The following KCNIP4 variants were observed in gnomAD, a reference collection of about 807,000 sequenced individuals.
KCNIP4 encodes the protein potassium voltage-gated channel interacting protein 4, also known as Kv channel-interacting protein 4.
In KCNIP4, 12 loss-of-function variants were observed where a neutral mutation model predicts 34.0. The ratio of observed to expected loss-of-function variants is 0.35; its 90% confidence interval spans 0.23 to 0.57. The LOEUF (loss-of-function observed/expected upper bound fraction) is 0.57. Ranked by LOEUF, KCNIP4 falls within the 20% of genes least tolerant of loss-of-function variation. The probability of loss-of-function intolerance (pLI) is 0.83; values close to 1 mark genes in which losing one functional copy is unlikely to be tolerated. For synonymous variants in KCNIP4, 124 were observed against 102.2 expected, an observed-to-expected ratio of 1.21 and a Z score of -1.29; for missense variants, 238 against 311.7, an observed-to-expected ratio of 0.76 and a Z score of 1.78.
intron 1 of KCNIP4, among the ~76,000 whole-genome samples, chr4:20,987,515 A>C (rs966127694): frequency 6.6e-6 from 1 of 152,162 alleles, no homozygotes; most frequent in African/African-American, 2.4e-5. Flanking sequence ...GCTCACCCCA[A>C]ATCAATAGGT....
chr4:21,430,485 A>G (rs867884810), intron 1 of KCNIP4, among the ~76,000 whole-genome samples: 32 of 152,056 alleles, frequency 2.1e-4, no homozygotes, highest in African/African-American at 7.5e-4. Flanking sequence ...TAGTACAGCC[A>G]TACTTATGAC....
At chr4:20,739,215 T>C (rs548002712) in intron 5 of KCNIP4, among the ~76,000 whole-genome samples, 1 of 152,336 alleles carries the variant, frequency 6.6e-6, no homozygotes, top group Admixed American at 6.5e-5. Flanking sequence ...CATCCCTGTC[T>C]GACAGCTTTG....
chr4:21,131,581 G>T (rs1751077149), intron 1 of KCNIP4, among the ~76,000 whole-genome samples: 1 of 152,124 alleles, frequency 6.6e-6, no homozygotes, highest in Admixed American at 6.5e-5. Flanking sequence ...CTGCACTCCA[G>T]CCTGGGCGAC....
intron 1 of KCNIP4, among the ~76,000 whole-genome samples, chr4:21,896,584 T>C (rs976535721): frequency 3.3e-5 from 5 of 152,168 alleles, no homozygotes; most frequent in African/African-American, 9.7e-5. Context: ...TCATGTTAAA[T>C]ATTTTGGGCA....
chr4:21,023,904 T>TC (rs1315976918), intron 1 of KCNIP4, among the ~76,000 whole-genome samples: 1 of 151,052 alleles, frequency 6.6e-6, no homozygotes, highest in African/African-American at 2.4e-5. Flanking sequence ...AAAAGAAAAA[T>TC]CACAATGAGT....
intron 1 of KCNIP4, among the ~76,000 whole-genome samples, chr4:21,552,005 G>A (rs1229226411): frequency 5.5e-5 from 8 of 146,620 alleles, no homozygotes; most frequent in African/African-American, 7.6e-5. Flanking sequence ...CTAGGTTATT[G>A]TGAAGATTGA....
chr4:20,781,524 G>A (rs1756868166), intron 3 of KCNIP4, among the ~76,000 whole-genome samples: 1 of 152,184 alleles, frequency 6.6e-6, no homozygotes, highest in Non-Finnish European at 1.5e-5. Context: ...CAGAATCATG[G>A]CAGGAGGCAG....
intron 1 of KCNIP4, among the ~76,000 whole-genome samples, chr4:21,286,801 A>T (rs1330328404): frequency 1.3e-5 from 2 of 152,218 alleles, no homozygotes; most frequent in African/African-American, 4.8e-5. Context: ...GACAAATTAT[A>T]GCATGTAAAC....
At chr4:21,487,279 G>A (rs1732000137) in intron 1 of KCNIP4, among the ~76,000 whole-genome samples, 1 of 152,008 alleles carries the variant, frequency 6.6e-6, no homozygotes, top group Non-Finnish European at 1.5e-5. Flanking sequence ...TAAAGGTCAG[G>A]CATCTTGTAT....
chr4:21,632,056 G>A (rs1280457444), intron 1 of KCNIP4, among the ~76,000 whole-genome samples: 1 of 152,108 alleles, frequency 6.6e-6, no homozygotes, highest in Non-Finnish European at 1.5e-5. Flanking sequence ...ATTATTTGAG[G>A]ACATGTACAA....
At chr4:21,767,592 ATTT>A (rs1247937335) in intron 1 of KCNIP4, among the ~76,000 whole-genome samples, 2 of 151,984 alleles carry the variant, frequency 1.3e-5, no homozygotes. Flanking sequence ...TTTTTAGCTT[ATTT>A]TTATTTCAAA....
At chr4:20,777,581 C>G (rs1756480678) in intron 3 of KCNIP4, among the ~76,000 whole-genome samples, 1 of 152,096 alleles carries the variant, frequency 6.6e-6, no homozygotes, top group African/African-American at 2.4e-5. Context: ...TTACCAGTAA[C>G]CAAATCTGTC....
intron 4 of KCNIP4, among the ~76,000 whole-genome samples, chr4:20,750,131 C>T (rs1753326258): frequency 6.6e-6 from 1 of 152,098 alleles, no homozygotes; most frequent in Non-Finnish European, 1.5e-5. Flanking sequence ...AGATGAGTTG[C>T]TATTATTAGT....
At chr4:21,092,696 A>C (rs1038760091) in intron 1 of KCNIP4, among the ~76,000 whole-genome samples, 3 of 152,194 alleles carry the variant, frequency 2.0e-5, no homozygotes, top group African/African-American at 7.2e-5. Context: ...TCAAGGGCTC[A>C]AAGTCCCAGA....
chr4:21,681,411 G>T (rs1430055946), intron 1 of KCNIP4, among the ~76,000 whole-genome samples: 1 of 151,870 alleles, frequency 6.6e-6, no homozygotes, highest in Admixed American at 6.6e-5. Context: ...CCAGCCAGGG[G>T]CTTCTTCATC....
rs546696609 is a variant in KCNIP4, at chr4:21,103,794, CT to C, written c.62-221086del. 3.6e-3 allele frequency among the ~76,000 whole-genome samples: 495 copies of C among 139,008 alleles called. 1 individual carries two copies. Among genetic ancestry groups the C allele is most frequent in the African/African-American group, 0.013 (484 of 37,290 alleles). 91.2% of individuals were successfully genotyped at this position (139,008 alleles called of 152,430 possible). On this transcript the variant is annotated intron_variant, in intron 1 of 8. Coordinates refer to ENST00000382152, the MANE Select transcript of KCNIP4 (RefSeq NM_025221.6). ...GTTCCCCTTCCTGTGTCCATGTGTT[CT>C]CATTGTTCAATTCCCACCTATGAGT...
intron 1 of KCNIP4, among the ~76,000 whole-genome samples, chr4:21,087,493 G>C (rs1446484346): frequency 1.3e-5 from 2 of 151,916 alleles, no homozygotes; most frequent in African/African-American, 2.4e-5. Flanking sequence ...TCATCATGTT[G>C]GCCCAGTTGG....
chr4:21,582,884 A>G (rs1009497618), intron 1 of KCNIP4, among the ~76,000 whole-genome samples: 11 of 151,898 alleles, frequency 7.2e-5, no homozygotes, highest in African/African-American at 2.7e-4. Context: ...GAATGAGAAG[A>G]AAGAGGATCA....
At chr4:20,989,228 A>G (rs1218786361) in intron 1 of KCNIP4, among the ~76,000 whole-genome samples, 2 of 152,232 alleles carry the variant, frequency 1.3e-5, no homozygotes, top group Non-Finnish European at 2.9e-5. Context: ...ACAGGGTCCA[A>G]CTACTAAATC....
Sources: allele counts gnomAD v4.1 joint callset (sites outside exome capture counted in the v4.1 genomes callset), GRCh38; gene constraint gnomAD v4.1.1; transcripts MANE v1.5; gene names NCBI Gene and HGNC (gene_info 2026-07-23, HGNC 2026-07-21).